The following CENPP variants were observed in gnomAD, a reference collection of about 807,000 sequenced individuals.
CENPP encodes centromere protein P.
In CENPP, 24 loss-of-function variants were observed where a neutral mutation model predicts 35.6. That is an observed-to-expected ratio of 0.67 (90% CI 0.49 to 0.95). CENPP has a LOEUF of 0.95. Ranked by LOEUF, CENPP falls within the 40% of genes least tolerant of loss-of-function variation. CENPP has a pLI of 0.00. For synonymous variants in CENPP, 120 were observed against 125.5 expected (o/e 0.96, Z 0.29); for missense variants, 332 against 345.3 (o/e 0.96, Z 0.31).
At chr9:92,572,671 T>A (rs1850173406) in intron 5 of CENPP, among the ~76,000 whole-genome samples, 1 of 152,238 alleles carries the variant, frequency 6.6e-6, no homozygotes, top group South Asian at 2.1e-4. Flanking sequence ...CTGGATAATA[T>A]CCTGCAGAGT....
Position 92,616,351 on chromosome 9 carries a change from G to A in CENPP, c.*3202G>A, listed in dbSNP as rs190073487. 2.5e-5 allele frequency: 8 copies of A among 321,568 alleles called. No individual in the cohort carries two copies. The highest frequency in any genetic ancestry group is 4.4e-5 in the South Asian group (1 of 22,944). 19.9% of individuals were successfully genotyped at this position (321,568 alleles called of 1,614,324 possible). A position where few individuals can be genotyped will look rare whatever the true frequency, so the allele number is the denominator to read the frequency against. On this transcript the variant is annotated 3_prime_UTR_variant, in exon 8 of 8. Transcript: ENST00000375587. Reference sequence around the variant, plus strand: ...GCCAGTGCACCCCACCATACCAGGCGAGAGAGGGTTAAAGGACTGAAAGAT... The same window carrying A: ...GCCAGTGCACCCCACCATACCAGGCAAGAGAGGGTTAAAGGACTGAAAGAT...
At chr9:92,506,033 C>T (rs1166937309) in intron 5 of CENPP, among the ~76,000 whole-genome samples, 3 of 151,988 alleles carry the variant, frequency 2.0e-5, no homozygotes, top group African/African-American at 4.8e-5. Context: ...ATTGTGGTGG[C>T]TGAACAGGGA....
At chr9:92,546,832 A>G (rs1171859642) in intron 5 of CENPP, among the ~76,000 whole-genome samples, 1 of 152,214 alleles carries the variant, frequency 6.6e-6, no homozygotes, top group African/African-American at 2.4e-5. Flanking sequence ...AAGAATCAGA[A>G]AATCTAAATT....
intron 5 of CENPP, among the ~76,000 whole-genome samples, chr9:92,419,577 G>C (rs577840762): frequency 1.3e-5 from 2 of 152,150 alleles, no homozygotes; most frequent in Non-Finnish European, 2.9e-5. Context: ...GGGATTACGG[G>C]CGTGAGCCAC....
intron 5 of CENPP, among the ~76,000 whole-genome samples, chr9:92,598,026 C>T (rs533085849): frequency 6.6e-6 from 1 of 152,196 alleles, no homozygotes; most frequent in Admixed American, 6.5e-5. Context: ...TTTTAGGATT[C>T]CCATATCCGT....
intron 5 of CENPP, among the ~76,000 whole-genome samples, chr9:92,426,012 G>A (rs1477388497): frequency 1.3e-5 from 2 of 152,134 alleles, no homozygotes; most frequent in Non-Finnish European, 2.9e-5. Context: ...TGTTATTCAT[G>A]TTTTTAACAA....
rs1420573372 is a variant in CENPP at position 92,390,013 on chromosome 9, A to T, written c.564+10154A>T. ...GTTTTGAAAAAGTACCATCTTCTAT[A>T]TCTTCTATCAAATTTCCTGTAAAAT... is the stretch of plus-strand genomic sequence containing the variant. On this transcript the variant is annotated intron_variant, in intron 5 of 7. Coordinates refer to ENST00000375587, the MANE Select transcript of CENPP (RefSeq NM_001012267.3). The T allele has an allele frequency of 1.9e-6, 3 of 1,607,648 alleles. No individual in the cohort carries two copies. In the African/African-American group the frequency reaches 4.0e-5, roughly 22 times the overall value.
rs1554758106 is a variant in CENPP, at chr9:92,403,378, C to G, written c.564+23519C>G. On this transcript the variant is annotated intron_variant, in intron 5 of 7. Coordinates refer to ENST00000375587, the MANE Select transcript of CENPP (RefSeq NM_001012267.3). The stretch of plus-strand genomic sequence containing the variant: ...GCTTTATCAGAGGCACAAGCAGTAA[C>G]AGGAGAAGTGTAGACTGCAGAGTCT... 5 of 1,612,734 alleles carry G rather than the reference C, an allele frequency of 3.1e-6. No homozygotes were observed. In the South Asian group the frequency reaches 3.3e-5, roughly 11 times the overall value.
intron 4 of CENPP, among the ~76,000 whole-genome samples, chr9:92,371,433 T>C (rs771094787): frequency 6.6e-6 from 1 of 152,186 alleles, no homozygotes; most frequent in Non-Finnish European, 1.5e-5. Context: ...GGGTTCCTTT[T>C]GGTGTTGATT....
intron 4 of CENPP, among the ~76,000 whole-genome samples, chr9:92,367,259 C>T (rs764793929): frequency 6.6e-6 from 1 of 152,008 alleles, no homozygotes; most frequent in Non-Finnish European, 1.5e-5. Flanking sequence ...CTCCACCTCT[C>T]GGGTTCAAGC....
At chr9:92,535,964 G>T (rs1158179801) in intron 5 of CENPP, 9 of 508,488 alleles carry the variant, frequency 1.8e-5, no homozygotes, top group Non-Finnish European at 3.5e-5. Context: ...GCTTTGCTTG[G>T]TGTCATTTAA....
intron 5 of CENPP, among the ~76,000 whole-genome samples, chr9:92,488,801 AAC>A (rs1226777214): frequency 6.6e-6 from 1 of 152,120 alleles, no homozygotes; most frequent in Non-Finnish European, 1.5e-5. Flanking sequence ...GTTACTTAGA[AAC>A]ACACCAGGAC....
intron 5 of CENPP, among the ~76,000 whole-genome samples, chr9:92,609,222 G>A (rs184056122): frequency 6.6e-6 from 1 of 152,376 alleles, no homozygotes; most frequent in Non-Finnish European, 1.5e-5. Context: ...CTGGTGCTGC[G>A]ATGCACCCTT....
At chr9:92,345,563 T>C (rs770681062) in intron 3 of CENPP, 136 bp from the exon 4 acceptor site, 9 of 602,752 alleles carry the variant, frequency 1.5e-5, no homozygotes, top group Non-Finnish European at 1.7e-5. Flanking sequence ...TTGAACTTTT[T>C]TTGTTTTTGT....
At chr9:92,417,174 A>T (rs756484983) in intron 5 of CENPP, 2 of 1,613,902 alleles carry the variant, frequency 1.2e-6, no homozygotes, top group South Asian at 2.2e-5. Flanking sequence ...ATCTTTTGAG[A>T]TTTAATTTTG....
intron 5 of CENPP, among the ~76,000 whole-genome samples, chr9:92,500,355 G>C (rs1397106732): frequency 6.6e-6 from 1 of 152,132 alleles, no homozygotes; most frequent in Non-Finnish European, 1.5e-5. Context: ...GCTAAGTTTT[G>C]TATTTTTAGT....
intron 2 of CENPP, among the ~76,000 whole-genome samples, chr9:92,336,698 G>A (rs1840941100): frequency 6.6e-6 from 1 of 152,088 alleles, no homozygotes; most frequent in Non-Finnish European, 1.5e-5. Context: ...AGGATATGAG[G>A]GAACCTTATA....
intron 5 of CENPP, among the ~76,000 whole-genome samples, chr9:92,420,040 C>T (rs1329174816): frequency 2.0e-5 from 3 of 152,162 alleles, no homozygotes. Context: ...CAGGTAGAGT[C>T]AGAGACCCTT....
intron 5 of CENPP, chr9:92,392,958 G>T: frequency 3.0e-6 from 2 of 660,354 alleles, no homozygotes; most frequent in Non-Finnish European, 5.0e-6. Context: ...TGTGAAACAT[G>T]TTAGATATTT....
Sources: gnomAD v4.1 joint callset for allele counts (sites outside exome capture counted in the v4.1 genomes callset) on GRCh38, gnomAD v4.1.1 for gene constraint, MANE v1.5 for transcripts, NCBI Gene and HGNC (gene_info 2026-07-23, HGNC 2026-07-21) for gene names.